SGCD: variants seen among roughly 807,000 people sequenced by gnomAD.
SGCD encodes sarcoglycan delta.
SGCD carries 18 observed loss-of-function variants against 36.6 expected under a neutral mutation model. The observed-to-expected ratio is 0.49, with a 90% confidence interval of 0.34 to 0.73. SGCD has a LOEUF of 0.73. Ranked by LOEUF, SGCD falls within the 30% of genes least tolerant of loss-of-function variation. The pLI is 0.01. For missense variants in SGCD, 387 were observed against 346.7 expected, an observed-to-expected ratio of 1.12 and a Z score of -0.92; for synonymous variants, 133 against 130.6, an observed-to-expected ratio of 1.02 and a Z score of -0.12.
At chr5:156,224,575 A>G (rs1218714382) in intron 3 of SGCD, among the ~76,000 whole-genome samples, 2 of 152,134 alleles carry the variant, frequency 1.3e-5, no homozygotes, top group Admixed American at 6.6e-5. Flanking sequence ...GCAGTTTTAT[A>G]AGAACCAGTA....
At chr5:155,838,668 T>A in the SGCD span, among the ~76,000 whole-genome samples, 6 of 151,586 alleles carry the variant, frequency 4.0e-5, no homozygotes, top group Non-Finnish European at 7.4e-5. Flanking sequence ...GTCATAGGTG[T>A]ACAGTAGTTT....
At chr5:156,637,182 T>TC (rs1259465124) in intron 6 of SGCD, among the ~76,000 whole-genome samples, 1 of 152,088 alleles carries the variant, frequency 6.6e-6, no homozygotes, top group African/African-American at 2.4e-5. Context: ...TCAGCACTTC[T>TC]CTCTCCTGCC....
intron 1 of SGCD, among the ~76,000 whole-genome samples, chr5:155,932,003 T>C (rs1757105663): frequency 6.6e-6 from 1 of 152,164 alleles, no homozygotes; most frequent in South Asian, 2.1e-4. Flanking sequence ...CTGGCCTCTA[T>C]TGTAAGGGCA....
intron 3 of SGCD, among the ~76,000 whole-genome samples, chr5:156,211,357 C>G (rs970249715): frequency 1.3e-5 from 2 of 152,082 alleles, no homozygotes; most frequent in African/African-American, 4.8e-5. Context: ...CCTGTAATCC[C>G]AGCACTTTGG....
chr5:155,960,545 A>C lies in SGCD; in HGVS notation c.-282+90121A>C, dbSNP rs1027131323. On this transcript the variant is annotated intron_variant, in intron 1 of 9. Transcript: ENST00000517913. ...TAAACACATACCCCTACCTTACCCT[A>C]AGCAATTGTTTTCAAGATAGTCCAG... 6.6e-5 allele frequency among the ~76,000 whole-genome samples: 10 copies of C among 152,140 alleles called. No homozygotes were observed. In the South Asian group the frequency reaches 2.1e-3, roughly 32 times the overall value.
chr5:156,595,329 G>A (rs1760883776), intron 6 of SGCD, among the ~76,000 whole-genome samples: 1 of 152,074 alleles, frequency 6.6e-6, no homozygotes, highest in Non-Finnish European at 1.5e-5. Context: ...CTGCAACCTG[G>A]AATAGGAGCC....
intron 1 of SGCD, among the ~76,000 whole-genome samples, chr5:155,946,860 T>A (rs1757446513): frequency 6.6e-6 from 1 of 152,172 alleles, no homozygotes; most frequent in African/African-American, 2.4e-5. Context: ...TGATGGCACA[T>A]TATAACAATG....
intron 7 of SGCD, among the ~76,000 whole-genome samples, chr5:156,717,259 G>C (rs1755266767): frequency 6.6e-6 from 1 of 152,164 alleles, no homozygotes; most frequent in Admixed American, 6.5e-5. Context: ...GCAGCCTTTA[G>C]TGTCACTCCA....
intron 3 of SGCD, among the ~76,000 whole-genome samples, chr5:156,482,761 A>G (rs748697963): frequency 1.3e-4 from 19 of 147,012 alleles, no homozygotes; most frequent in African/African-American, 3.8e-4. Flanking sequence ...ATCAATTTCT[A>G]TCCTCCCTAC....
chr5:156,000,531 C>T (rs1243708485), intron 1 of SGCD, among the ~76,000 whole-genome samples: 1 of 152,080 alleles, frequency 6.6e-6, no homozygotes, highest in Admixed American at 6.6e-5. Context: ...CAAATAAACC[C>T]ATATATGAAA....
intron 3 of SGCD, among the ~76,000 whole-genome samples, chr5:156,126,727 G>A (rs1762180350): frequency 6.6e-6 from 1 of 152,198 alleles, no homozygotes; most frequent in Non-Finnish European, 1.5e-5. Flanking sequence ...AGTGGCTATG[G>A]AACTAGTCTT....
chr5:155,912,952 A>G (rs1388697340), intron 1 of SGCD, among the ~76,000 whole-genome samples: 2 of 152,108 alleles, frequency 1.3e-5, no homozygotes, highest in East Asian at 1.9e-4. Flanking sequence ...CTTGCTGCCA[A>G]TGTTCCTTCT....
intron 1 of SGCD, among the ~76,000 whole-genome samples, chr5:155,889,264 AT>A (rs1174384148): frequency 1.3e-5 from 2 of 152,184 alleles, no homozygotes; most frequent in African/African-American, 4.8e-5. Flanking sequence ...CATATGATAG[AT>A]TTAAAAAAAA....
the SGCD span, among the ~76,000 whole-genome samples, chr5:155,745,317 G>A: frequency 4.6e-5 from 7 of 152,164 alleles, no homozygotes; most frequent in African/African-American, 1.7e-4. Context: ...TTATGATAAT[G>A]TTCTAACTTG....
At chr5:155,810,485 AG>A in the SGCD span, among the ~76,000 whole-genome samples, 1 of 151,712 alleles carries the variant, frequency 6.6e-6, no homozygotes, top group East Asian at 1.9e-4. Context: ...AAAGGACTAC[AG>A]TTACCATATT....
intron 1 of SGCD, among the ~76,000 whole-genome samples, chr5:155,965,818 A>G (rs934402631): frequency 6.6e-6 from 1 of 152,104 alleles, no homozygotes; most frequent in African/African-American, 2.4e-5. Context: ...ACTAGAAGCA[A>G]GGAGCCCCCG....
At chr5:156,070,719 C>T (rs1760521036) in intron 1 of SGCD, among the ~76,000 whole-genome samples, 1 of 152,056 alleles carries the variant, frequency 6.6e-6, no homozygotes, top group African/African-American at 2.4e-5. Context: ...CCAGTTCCTC[C>T]TTGTACCTCT....
intron 3 of SGCD, among the ~76,000 whole-genome samples, chr5:156,496,473 T>A (rs1756193536): frequency 6.6e-6 from 1 of 152,094 alleles, no homozygotes; most frequent in Non-Finnish European, 1.5e-5. Context: ...TAAGCCAGAC[T>A]CGACTGTATG....
At chr5:156,743,095 T>G (rs1283747273) in intron 7 of SGCD, among the ~76,000 whole-genome samples, 1 of 148,350 alleles carries the variant, frequency 6.7e-6, no homozygotes, top group Non-Finnish European at 1.5e-5. Context: ...CATACCTCAC[T>G]TGCTTCCTAC....
Sources: gnomAD v4.1 joint callset for allele counts (sites outside exome capture counted in the v4.1 genomes callset) on GRCh38, gnomAD v4.1.1 for gene constraint, MANE v1.5 for transcripts, NCBI Gene and HGNC (gene_info 2026-07-23, HGNC 2026-07-21) for gene names.